Variants in TET1 observed in about 807,000 individuals in gnomAD.
The protein encoded by TET1 is methylcytosine dioxygenase TET1.
Under a neutral mutation model 148.7 loss-of-function variants are expected in TET1, and 13 were observed. The observed-to-expected ratio is 0.09, with a 90% CI of 0.06 to 0.14. TET1 has a LOEUF of 0.14. Among genes scored for constraint, TET1 ranks in the 10% least tolerant of loss-of-function variants. The probability of loss-of-function intolerance (pLI) is 1.00; values close to 1 mark genes in which losing one functional copy is unlikely to be tolerated. For missense variants in TET1, 2,182 were observed against 2,553.8 expected (o/e 0.85, Z 3.14); for synonymous variants, 907 against 937.2 (o/e 0.97, Z 0.59).
At chr10:68,615,638 G>A (rs559513803) in intron 3 of TET1, among the ~76,000 whole-genome samples, 43 of 151,934 alleles carry the variant, frequency 2.8e-4, no homozygotes, top group South Asian at 6.2e-4. Context: ...GAGCCACTGC[G>A]TCCAGGCAAG....
intron 1 of TET1, among the ~76,000 whole-genome samples, chr10:68,566,858 C>CG (rs562716110): frequency 5.0e-5 from 7 of 140,742 alleles, no homozygotes; most frequent in African/African-American, 1.8e-4. Context: ...TGCAAACAGG[C>CG]TTTTTTTTTT....
chr10:68,667,694 A>C (rs1348348284), intron 7 of TET1, among the ~76,000 whole-genome samples: 1 of 151,474 alleles, frequency 6.6e-6, no homozygotes, highest in Non-Finnish European at 1.5e-5. Flanking sequence ...CAGTGCGCTG[A>C]GATTGTGCCA....
At position 68,645,061 on chromosome 10, in the gene TET1, A is replaced by G. The variant is rs761699801; in HGVS notation, c.2332A>G (p.Asn778Asp). The change falls in exon 4 of 12, where the codon AAT (asparagine) becomes GAT (aspartate). Residue 778 changes from asparagine (N) to aspartate (D), a missense_variant. By Grantham distance (23) the Asn-to-Asp change is conservative. This residue lies in a region of TET1 where 226 missense variants were observed against 307.4 expected (regional missense o/e 0.74). Transcript: ENST00000373644. Reference protein sequence around the residue: ...AETNVSFKKFNIEEFGKTLEN... With the variant: ...AETNVSFKKFDIEEFGKTLEN... ...AACAAATGTTTCATTTAAAAAATTC[A>G]ATATTGAAGAATTCGGCAAGACATT... The G allele has an allele frequency of 6.2e-7, 1 of 1,612,544 alleles. No individual in the cohort carries two copies. Among genetic ancestry groups the G allele is most frequent in the Admixed American group, 1.7e-5 (1 of 59,670 alleles).
rs1254069984 is a variant in TET1 at position 68,560,520 on chromosome 10, C to T, written c.-345C>T. 6.6e-6 allele frequency: 1 copy of T among 152,396 alleles called. No individual in the cohort carries two copies. Among genetic ancestry groups the T allele is most frequent in the Non-Finnish European group, 1.5e-5 (1 of 68,158 alleles). The allele number at this position is 152,396 out of a possible 1,614,324, so 9.4% of individuals were successfully genotyped here. On this transcript the variant is annotated 5_prime_UTR_variant, in exon 1 of 12. Transcript: ENST00000373644. ...TCATGCAGCCCTACCTGCCTCTCCA[C>T]TGTGGACCTTTGGGAACCGACTCCT... is the stretch of plus-strand genomic sequence containing the variant.
intron 2 of TET1, among the ~76,000 whole-genome samples, chr10:68,576,813 T>A (rs1407941448): frequency 1.3e-5 from 2 of 152,192 alleles, no homozygotes; most frequent in East Asian, 3.9e-4. Context: ...GCTCCCAAGT[T>A]CAAGCAACTT....
rs750680550 is a variant in TET1 at position 68,676,236 on chromosome 10, GTATATATATA to G, written c.4824+3215_4824+3224del. Among the ~76,000 whole-genome samples, 400 of 55,438 alleles carry G rather than the reference GTATATATATA, an allele frequency of 7.2e-3. 3 individuals carry two copies. The highest frequency in any genetic ancestry group is 0.012 in the South Asian group (14 of 1,124). The allele number at this position is 55,438 out of a possible 152,430, so 36.4% of individuals were successfully genotyped here. ...TATACACATATATATGTATGTATGT[GTATATATATA>G]TATATATATATATATATATATATTT... On this transcript the variant is annotated intron_variant, in intron 8 of 11. Coordinates refer to ENST00000373644, the MANE Select transcript of TET1 (RefSeq NM_030625.3).
rs1461952971 is a variant in TET1 at position 68,561,759 on chromosome 10, A to G, written c.-123+1017A>G. Among the ~76,000 whole-genome samples the G allele has an allele frequency of 2.2e-5, 3 of 136,568 alleles. No individual in the cohort carries two copies. The East Asian group carries it at 6.7e-4, about 31-fold the overall frequency. 89.6% of individuals were successfully genotyped at this position (136,568 alleles called of 152,430 possible). ...GCCCCAGGCTCTTGAATATATATAT[A>G]TATATATTCTACAAGAAGTGGTCTG... On this transcript the variant is annotated intron_variant, in intron 1 of 11. Coordinates refer to ENST00000373644, the MANE Select transcript of TET1 (RefSeq NM_030625.3).
intron 2 of TET1, among the ~76,000 whole-genome samples, chr10:68,598,840 A>G (rs974387538): frequency 3.3e-5 from 5 of 151,552 alleles, no homozygotes; most frequent in Admixed American, 3.3e-4. Flanking sequence ...ACAGGCACCC[A>G]CCATCATGCC....
intron 2 of TET1, among the ~76,000 whole-genome samples, chr10:68,584,530 T>C (rs1349329377): frequency 6.6e-6 from 1 of 150,954 alleles, no homozygotes; most frequent in Non-Finnish European, 1.5e-5. Context: ...CCAACATGGT[T>C]AAACCCCGTC....
chr10:68,645,955 G>A lies in TET1; in HGVS notation c.3226G>A (p.Asp1076Asn). Residue 1076 changes from aspartate to asparagine, a missense_variant, in exon 4 of 12, where the codon GAT (aspartate) becomes AAT (asparagine). By Grantham distance (23) the Asp-to-Asn change is conservative (BLOSUM62 1). This residue lies in a region of TET1 where 582 missense variants were observed against 599.5 expected (regional missense o/e 0.97). Coordinates refer to ENST00000373644, the MANE Select transcript of TET1 (RefSeq NM_030625.3). ...QDATHTQIEEDVATQLTQLAS... is the reference protein window; with the variant it reads ...QDATHTQIEENVATQLTQLAS... Reference sequence around the variant, plus strand: ...TGCAACCCATACCCAAATTGAGGAAGATGTTGCAACACAGTTGACACAACT... The same window carrying A: ...TGCAACCCATACCCAAATTGAGGAAAATGTTGCAACACAGTTGACACAACT... 1 of 1,613,980 alleles carries A rather than the reference G, an allele frequency of 6.2e-7. No homozygotes were observed. The highest frequency in any genetic ancestry group is 8.5e-7 in the Non-Finnish European group (1 of 1,180,014).
chr10:68,671,797 T>A (rs2055276021), intron 7 of TET1, among the ~76,000 whole-genome samples: 1 of 152,234 alleles, frequency 6.6e-6, no homozygotes, highest in African/African-American at 2.4e-5. Context: ...TTTTTGTTTT[T>A]TGAGATGGAG....
intron 3 of TET1, among the ~76,000 whole-genome samples, chr10:68,639,469 T>TACTAC (rs377540477): frequency 4.7e-5 from 7 of 148,410 alleles, no homozygotes; most frequent in African/African-American, 1.8e-4. Context: ...ACTACTACTA[T>TACTAC]TATTATTATT....
chr10:68,660,321 TTTTTC>T (rs998387195), intron 6 of TET1, among the ~76,000 whole-genome samples: 10 of 151,652 alleles, frequency 6.6e-5, no homozygotes, highest in Non-Finnish European at 1.3e-4. Flanking sequence ...TTTTTTTACT[TTTTTC>T]TTTTCTTCTT....
At chr10:68,619,127 G>A (rs1158306324) in intron 3 of TET1, among the ~76,000 whole-genome samples, 2 of 152,130 alleles carry the variant, frequency 1.3e-5, no homozygotes, top group Admixed American at 1.3e-4. Flanking sequence ...TATCAGAGGT[G>A]CAGTCTTGAT....
chr10:68,622,565 C>T (rs916000649), intron 3 of TET1, among the ~76,000 whole-genome samples: 2 of 151,874 alleles, frequency 1.3e-5, no homozygotes, highest in Non-Finnish European at 2.9e-5. Context: ...CACACCCGGC[C>T]CCTCATTGCA....
chr10:68,656,246 CT>C (rs2055019813), intron 6 of TET1, among the ~76,000 whole-genome samples: 1 of 152,204 alleles, frequency 6.6e-6, no homozygotes, highest in Non-Finnish European at 1.5e-5. Flanking sequence ...ACCTCTGCCC[CT>C]GGCCCCACCT....
chr10:68,648,180 A>G (rs2133101069), intron 4 of TET1, among the ~76,000 whole-genome samples: 1 of 152,296 alleles, frequency 6.6e-6, no homozygotes, highest in Middle Eastern at 3.4e-3. Context: ...AACATTCTGA[A>G]CCAATTAGTT....
intron 3 of TET1, among the ~76,000 whole-genome samples, chr10:68,606,366 C>T (rs189999098): frequency 1.5e-4 from 23 of 152,208 alleles, no homozygotes; most frequent in African/African-American, 5.5e-4. Flanking sequence ...GACTCCCTCT[C>T]AAACAAACAA....
chr10:68,636,517 A>G (rs1465353119), intron 3 of TET1, among the ~76,000 whole-genome samples: 1 of 152,166 alleles, frequency 6.6e-6, no homozygotes, highest in Non-Finnish European at 1.5e-5. Context: ...CAGGAATTTG[A>G]CACTACTAGC....
Sources: gnomAD v4.1 joint callset for allele counts (sites outside exome capture counted in the v4.1 genomes callset) on GRCh38, gnomAD v4.1.1 for gene constraint, gnomAD v4.1.1 regional missense constraint, MANE v1.5 for transcripts, NCBI Gene and HGNC (gene_info 2026-07-23, HGNC 2026-07-21) for gene names.